The following NKAP variants were observed in gnomAD, a reference collection of about 807,000 sequenced individuals.
NKAP encodes NF-kappa-B-activating protein.
NKAP carries 4 observed loss-of-function variants against 35.6 expected under a neutral mutation model. The observed-to-expected ratio is 0.11, with a 90% CI of 0.06 to 0.26. The LOEUF is 0.26. NKAP is among the 10% of genes least tolerant of loss of function. The pLI is 1.00. For synonymous variants in NKAP, 106 were observed against 119.2 expected (o/e 0.89, Z 0.72); for missense variants, 238 against 321.9 (o/e 0.74, Z 1.99).
chrX:119,930,198 A>G, intron 7 of NKAP, 33 bp from the exon 8 acceptor site: 1 of 1,147,129 alleles, frequency 8.7e-7, no homozygotes, highest in South Asian at 2.0e-5. Context: ...GAAAAGGTCC[A>G]TTAAATCATC....
At chrX:119,931,002 C>T (rs7059705) in intron 7 of NKAP, among the ~76,000 whole-genome samples, 23,949 of 107,885 alleles carry the variant, frequency 0.22, 2,272 homozygotes, top group Middle Eastern at 0.33. Flanking sequence ...TTAGTCCGGG[C>T]GTGGCGGCAG....
At chrX:119,926,784 G>T (rs938117171) in intron 8 of NKAP, among the ~76,000 whole-genome samples, 8 of 108,615 alleles carry the variant, frequency 7.4e-5, no homozygotes, top group African/African-American at 2.7e-4. Context: ...GTCTAGGCTG[G>T]GCATGGTGGC....
At chrX:119,928,059 C>T (rs1178985578) in intron 8 of NKAP, among the ~76,000 whole-genome samples, 2 of 112,225 alleles carry the variant, frequency 1.8e-5, no homozygotes, top group African/African-American at 6.5e-5. Flanking sequence ...TAATAAGTCT[C>T]ATAAACAACT....
intron 4 of NKAP, among the ~76,000 whole-genome samples, chrX:119,934,921 T>C (rs1339258144): frequency 8.9e-6 from 1 of 111,833 alleles, no homozygotes; most frequent in Non-Finnish European, 1.9e-5. Context: ...GAAGCAAATA[T>C]GTAAAAATAC....
rs916338355 is a variant in NKAP at position 119,923,129 on chromosome X, T to G, written c.*2091A>C. The G allele has an allele frequency of 9.0e-6, 1 of 111,000 alleles. No homozygotes were observed. Among genetic ancestry groups the G allele is most frequent in the African/African-American group, 3.3e-5 (1 of 30,489 alleles). The allele number at this position is 111,000 out of a possible 1,213,427, so 9.1% of individuals were successfully genotyped here. ...GGGAGGCTGAGGTGGGAGGATCACTTGAACCCAGGAGGCAGAGGTTACAGT... is the reference window on the plus strand; with the variant it reads ...GGGAGGCTGAGGTGGGAGGATCACTGGAACCCAGGAGGCAGAGGTTACAGT... On this transcript the variant is annotated 3_prime_UTR_variant, in exon 9 of 9. Coordinates refer to ENST00000371410, the MANE Select transcript of NKAP (RefSeq NM_024528.4).
At position 119,924,435 on chromosome X, in the gene NKAP, G is replaced by A; in HGVS notation, c.*785C>T. Reference sequence around the variant, plus strand: ...GACAGAGTTTCACTCTTCTTGCCCAGGCTGGAGTGCAATGTCACAATCTCG... The same window carrying A: ...GACAGAGTTTCACTCTTCTTGCCCAAGCTGGAGTGCAATGTCACAATCTCG... On this transcript the variant is annotated 3_prime_UTR_variant, in exon 9 of 9. Transcript: ENST00000371410. 9.0e-6 allele frequency: 1 copy of A among 110,583 alleles called. No homozygotes were observed. Among genetic ancestry groups the A allele is most frequent in the Non-Finnish European group, 1.9e-5 (1 of 52,805 alleles). 9.1% of individuals were successfully genotyped at this position (110,583 alleles called of 1,213,427 possible).
At chrX:119,934,429 T>TAAAAAA (rs1160519275) in intron 5 of NKAP, 65 bp downstream of exon 5, 1 of 245,156 alleles carries the variant, frequency 4.1e-6, no homozygotes, top group Non-Finnish European at 5.2e-6. Context: ...AGACTCTGTC[T>TAAAAAA]CAAAAAAAAA....
rs756974472 is a variant in NKAP at position 119,931,523 on chromosome X, T to A, written c.923+413A>T. Among the ~76,000 whole-genome samples the A allele has an allele frequency of 7.3e-4, 80 of 110,298 alleles. No homozygotes were observed. In the South Asian group the frequency reaches 9.4e-3, roughly 13 times the overall value. Reference sequence around the variant, plus strand: ...TCCGTCTCACAAAAAGAAAAAAAAATTCTGCTGGTAAAAAAAGAAAAAAGA... The same window carrying A: ...TCCGTCTCACAAAAAGAAAAAAAAAATCTGCTGGTAAAAAAAGAAAAAAGA... On this transcript the variant is annotated intron_variant, in intron 7 of 8. Transcript: ENST00000371410.
chrX:119,940,504 T>A (rs2056788227), intron 1 of NKAP, among the ~76,000 whole-genome samples: 1 of 110,804 alleles, frequency 9.0e-6, no homozygotes, highest in Non-Finnish European at 1.9e-5. Flanking sequence ...TTTATGCCTA[T>A]GGTTTCTTCT....
intron 1 of NKAP, among the ~76,000 whole-genome samples, chrX:119,940,505 G>A (rs944234509): frequency 1.2e-4 from 13 of 110,014 alleles, no homozygotes; most frequent in Non-Finnish European, 2.1e-4. Context: ...TTATGCCTAT[G>A]GTTTCTTCTG....
At chrX:119,930,186 C>T (rs2056733455) in intron 7 of NKAP, 21 bp from the exon 8 acceptor site, 1 of 1,159,384 alleles carries the variant, frequency 8.6e-7, no homozygotes, top group Non-Finnish European at 1.1e-6. Context: ...ATTCAGAATT[C>T]AGAAAAGGTC....
chrX:119,938,599 A>G (rs1244111285), intron 2 of NKAP, 131 bp downstream of exon 2: 3 of 431,389 alleles, frequency 7.0e-6, no homozygotes, highest in Non-Finnish European at 1.2e-5. Flanking sequence ...CTTAAGGGGT[A>G]GAAGAACATA....
intron 1 of NKAP, among the ~76,000 whole-genome samples, chrX:119,942,345 G>C (rs889646710): frequency 9.0e-6 from 1 of 110,729 alleles, no homozygotes; most frequent in Admixed American, 9.6e-5. Context: ...GTGGTGGTGC[G>C]CACCTATAGT....
Position 119,925,162 on chromosome X carries a change from T to C in NKAP, c.*58A>G. 1.8e-6 allele frequency: 2 copies of C among 1,130,111 alleles called. No homozygotes were observed. The highest frequency in any genetic ancestry group is 2.4e-6 in the Non-Finnish European group (2 of 833,111). The allele number at this position is 1,130,111 out of a possible 1,213,427, so 93.1% of individuals were successfully genotyped here. On this transcript the variant is annotated 3_prime_UTR_variant, in exon 9 of 9. Coordinates refer to ENST00000371410, the MANE Select transcript of NKAP (RefSeq NM_024528.4). ...ATAATAATCTTTTTCTATGTATGTG[T>C]GGAACCCAGACTTTCTTTTTTGTTG...
intron 8 of NKAP, among the ~76,000 whole-genome samples, chrX:119,925,945 TA>T (rs2056710488): frequency 4.0e-5 from 3 of 75,269 alleles, no homozygotes; most frequent in Non-Finnish European, 5.0e-5. Context: ...TTTTTTTTTT[TA>T]ATTTTTTTTT....
chrX:119,943,227 G>T lies in NKAP; in HGVS notation c.379C>A (p.Arg127=). The change falls in exon 1 of 9, where the codon CGG becomes AGG. Residue 127 remains arginine (R), a synonymous_variant. Transcript: ENST00000371410. ...LLDKEREESL[R]QKRLSERERI... ...TGCGGCCGTCTCACTCACTTCTGCCGCAGGCTCTCCTCCCTCTCCTTGTCG... is the reference window on the plus strand; with the variant it reads ...TGCGGCCGTCTCACTCACTTCTGCCTCAGGCTCTCCTCCCTCTCCTTGTCG... 2 of 1,181,395 alleles carry T rather than the reference G, an allele frequency of 1.7e-6. No individual in the cohort carries two copies. The highest frequency in any genetic ancestry group is 2.3e-6 in the Non-Finnish European group (2 of 879,231).
chrX:119,939,975 G>A (rs2056784828), intron 1 of NKAP, among the ~76,000 whole-genome samples: 1 of 107,373 alleles, frequency 9.3e-6, no homozygotes, highest in African/African-American at 3.4e-5. Context: ...TCTTGCCTCA[G>A]CCTCCCAAAG....
intron 1 of NKAP, 113 bp from the exon 2 acceptor site, chrX:119,938,923 T>C (rs772694657): frequency 2.2e-4 from 121 of 539,269 alleles, no homozygotes; most frequent in Non-Finnish European, 3.0e-4. Flanking sequence ...ATTTTAAACA[T>C]GGATAAAAAC....
At chrX:119,932,057 GTTACT>G (rs1438333861) in intron 6 of NKAP, 45 bp downstream of exon 6, 9 of 1,178,558 alleles carry the variant, frequency 7.6e-6, no homozygotes, top group Non-Finnish European at 9.2e-6. Flanking sequence ...TGACTAATTG[GTTACT>G]TTAATGTTTC....
Sources: allele counts gnomAD v4.1 joint callset (sites outside exome capture counted in the v4.1 genomes callset), GRCh38; gene constraint gnomAD v4.1.1; transcripts MANE v1.5; gene names NCBI Gene and HGNC (gene_info 2026-07-23, HGNC 2026-07-21).